MIPEP: variants seen among roughly 807,000 people sequenced by gnomAD.
MIPEP encodes the protein mitochondrial intermediate peptidase.
Under a neutral mutation model 90.3 loss-of-function variants are expected in MIPEP, and 79 were observed. The ratio of observed to expected loss-of-function variants is 0.87; its 90% CI spans 0.73 to 1.05. MIPEP has a LOEUF of 1.05. Ranked by LOEUF, MIPEP falls within the 50% of genes least tolerant of loss-of-function variation. The pLI is 0.00. For synonymous variants in MIPEP, 334 were observed against 315.8 expected, an observed-to-expected ratio of 1.06 and a Z score of -0.61; for missense variants, 940 against 905.6, an observed-to-expected ratio of 1.04 and a Z score of -0.49.
chr13:23,859,114 A>G (rs990439906), intron 9 of MIPEP, among the ~76,000 whole-genome samples: 6 of 152,196 alleles, frequency 3.9e-5, no homozygotes, highest in African/African-American at 1.4e-4. Context: ...GAGATAGTGA[A>G]GTATAACTAA....
intron 10 of MIPEP, 43 bp downstream of exon 10, chr13:23,858,817 T>G: frequency 6.4e-7 from 1 of 1,563,186 alleles, no homozygotes; most frequent in Non-Finnish European, 8.8e-7. Context: ...AACATTAGTT[T>G]CCTTTTTCCT....
intron 16 of MIPEP, among the ~76,000 whole-genome samples, chr13:23,801,624 T>C (rs1953042424): frequency 1.3e-5 from 2 of 152,220 alleles, no homozygotes; most frequent in Admixed American, 1.3e-4. Flanking sequence ...TATAGTCTAA[T>C]CACATATGTA....
chr13:23,825,665 C>G (rs935814595), intron 14 of MIPEP, among the ~76,000 whole-genome samples: 1 of 152,152 alleles, frequency 6.6e-6, no homozygotes, highest in Non-Finnish European at 1.5e-5. Flanking sequence ...TCAACTCTAA[C>G]TGAACTTTAA....
chr13:23,750,565 G>A (rs745721239), intron 18 of MIPEP, among the ~76,000 whole-genome samples: 2 of 152,102 alleles, frequency 1.3e-5, no homozygotes, highest in Non-Finnish European at 2.9e-5. Flanking sequence ...TCCACATGAC[G>A]CATCACTGAT....
intron 14 of MIPEP, among the ~76,000 whole-genome samples, chr13:23,830,358 G>A (rs9507168): frequency 0.99 from 150,259 of 152,324 alleles, 74,158 homozygotes; most frequent in East Asian, 1. Flanking sequence ...TCAAAAAACT[G>A]AACACCACAC....
chr13:23,853,940 A>G (rs1037882481), intron 10 of MIPEP, among the ~76,000 whole-genome samples: 11 of 152,142 alleles, frequency 7.2e-5, no homozygotes, highest in African/African-American at 2.7e-4. Flanking sequence ...GAAAAGAGAA[A>G]GGAAGGAAAG....
At chr13:23,809,708 G>C in intron 15 of MIPEP, 142 bp downstream of exon 15, 1 of 586,428 alleles carries the variant, frequency 1.7e-6, no homozygotes, top group Non-Finnish European at 2.9e-6. Flanking sequence ...GTCAATTTTG[G>C]TCAAGTTCTT....
chr13:23,795,517 C>A (rs1952948704), intron 16 of MIPEP, among the ~76,000 whole-genome samples: 1 of 152,134 alleles, frequency 6.6e-6, no homozygotes, highest in African/African-American at 2.4e-5. Context: ...ATCTGATTGA[C>A]ATTTTAATCT....
chr13:23,815,227 T>C (rs1172237987), intron 14 of MIPEP, among the ~76,000 whole-genome samples: 1 of 152,244 alleles, frequency 6.6e-6, no homozygotes, highest in African/African-American at 2.4e-5. Context: ...TATACATTCT[T>C]AGAAGACAGG....
intron 5 of MIPEP, among the ~76,000 whole-genome samples, chr13:23,873,618 G>GC (rs1314429427): frequency 6.6e-6 from 1 of 152,202 alleles, no homozygotes; most frequent in Non-Finnish European, 1.5e-5. Context: ...CTTTAGAACA[G>GC]CCCGGGTGTT....
At chr13:23,887,578 G>A (rs1456425415) in intron 1 of MIPEP, among the ~76,000 whole-genome samples, 1 of 152,048 alleles carries the variant, frequency 6.6e-6, no homozygotes, top group Non-Finnish European at 1.5e-5. Context: ...CTGAAAAGGT[G>A]AGCTTCCAGA....
intron 16 of MIPEP, among the ~76,000 whole-genome samples, chr13:23,795,882 G>A (rs1024273130): frequency 3.3e-5 from 5 of 149,578 alleles, no homozygotes; most frequent in Non-Finnish European, 7.4e-5. Context: ...TGTAGTCCTA[G>A]CTACCTGGGA....
intron 4 of MIPEP, among the ~76,000 whole-genome samples, chr13:23,877,653 G>A (rs1195840924): frequency 1.4e-4 from 21 of 152,338 alleles, no homozygotes; most frequent in African/African-American, 4.6e-4. Flanking sequence ...TTCAAGGACT[G>A]AATCTAAGAA....
intron 1 of MIPEP, among the ~76,000 whole-genome samples, chr13:23,888,297 G>T (rs1871603952): frequency 1.3e-5 from 2 of 152,046 alleles, no homozygotes; most frequent in Admixed American, 1.3e-4. Context: ...AGACAAAACT[G>T]ATAATGGAGA....
chr13:23,822,128 C>T (rs1593173634), intron 14 of MIPEP, among the ~76,000 whole-genome samples: 1 of 152,174 alleles, frequency 6.6e-6, no homozygotes, highest in Admixed American at 6.5e-5. Context: ...GATCAAACAT[C>T]GTGGGTGGTT....
In MIPEP at chr13:23,756,581, G is replaced by T; in HGVS notation, c.2008C>A (p.His670Asn). ...GERYRREMLAHGGGREPMLMV... is the reference protein window; with the variant it reads ...GERYRREMLANGGGREPMLMV... ...AGCATGGGCTCCCTGCCTCCACCGT[G>T]GGCCAGCATCTCCCTGCGATAGCGC... The change falls in exon 18 of 19, where the codon CAC (histidine) becomes AAC (asparagine). Residue 670 changes from histidine (H) to asparagine (N), a missense_variant. Coordinates refer to ENST00000382172, the MANE Select transcript of MIPEP (RefSeq NM_005932.4). The T allele has an allele frequency of 1.2e-6, 2 of 1,613,900 alleles. No homozygotes were observed.
chr13:23,845,455 A>T (rs1014917872), intron 10 of MIPEP, among the ~76,000 whole-genome samples: 2 of 152,194 alleles, frequency 1.3e-5, no homozygotes, highest in African/African-American at 4.8e-5. Context: ...TATTGATTTT[A>T]ACTTTTTTAC....
chr13:23,824,669 T>C (rs1953345657), intron 14 of MIPEP, among the ~76,000 whole-genome samples: 1 of 152,212 alleles, frequency 6.6e-6, no homozygotes. Context: ...ATGTCTCAAC[T>C]AGCTTGTTTT....
At chr13:23,879,211 T>G in intron 4 of MIPEP, 57 bp downstream of exon 4, 1 of 1,059,842 alleles carries the variant, frequency 9.4e-7, no homozygotes, top group Non-Finnish European at 1.4e-6. Context: ...AGGGAGAGTC[T>G]CCCAACCTCA....
Sources: allele counts gnomAD v4.1 joint callset (sites outside exome capture counted in the v4.1 genomes callset), GRCh38; gene constraint gnomAD v4.1.1; transcripts MANE v1.5; gene names NCBI Gene and HGNC (gene_info 2026-07-23, HGNC 2026-07-21).